The following MAP2 variants were observed in gnomAD, a reference collection of about 807,000 sequenced individuals.
MAP2 encodes the protein microtubule associated protein 2, also known as microtubule-associated protein 2.
Under a neutral mutation model 137.6 loss-of-function variants are expected in MAP2, and 14 were observed. The ratio of observed to expected loss-of-function variants is 0.10; its 90% CI spans 0.07 to 0.16. MAP2 has a LOEUF of 0.16. Among genes scored for constraint, MAP2 ranks in the 10% least tolerant of loss-of-function variants. MAP2 has a pLI of 1.00. For synonymous variants in MAP2, 786 were observed against 782.3 expected (o/e 1.00, Z -0.08); for missense variants, 2,088 against 2,191.5 (o/e 0.95, Z 0.94).
At chr2:209,515,350 C>G (rs566742706) in intron 2 of MAP2, among the ~76,000 whole-genome samples, 39 of 152,180 alleles carry the variant, frequency 2.6e-4, no homozygotes, top group African/African-American at 9.2e-4. Flanking sequence ...CATTTTCACA[C>G]TGCTATGAAG....
rs779612571 is a variant in MAP2, at chr2:209,496,933, C to T, written c.-221-10659C>T. On this transcript the variant is annotated intron_variant, in intron 1 of 15. Transcript: ENST00000682079. ...TAGCTAGGACTACAGGTGTGCACTA[C>T]CATGCCTGGCTAATTTAAAAAAAAA... Among the ~76,000 whole-genome samples the T allele has an allele frequency of 1.9e-4, 29 of 150,114 alleles. 1 individual carries two copies. Among genetic ancestry groups the T allele is most frequent in the Non-Finnish European group, 4.2e-4 (28 of 67,466 alleles).
rs372993675 is a variant in MAP2, at chr2:209,694,701, G to T, written c.2531G>T (p.Arg844Leu). The change falls in exon 8 of 16, where the codon CGT (arginine) becomes CTT (leucine). Residue 844 changes from arginine to leucine, a missense_variant. Around this residue, in one of 6 missense-constraint regions of MAP2, gnomAD observed 500 missense variants for 482.9 expected, o/e 1.04. Transcript: ENST00000682079. ...VPSETVVEDS[R>L]TGLPPVTDEN... Reference sequence around the variant, plus strand: ...TCAGAGACTGTGGTTGAGGATAGTCGTACTGGCTTGCCCCCGGTAACTGAT... The same window carrying T: ...TCAGAGACTGTGGTTGAGGATAGTCTTACTGGCTTGCCCCCGGTAACTGAT... 2 of 1,614,108 alleles carry T rather than the reference G, an allele frequency of 1.2e-6. No individual in the cohort carries two copies. The highest frequency in any genetic ancestry group is 1.7e-6 in the Non-Finnish European group (2 of 1,180,000).
chr2:209,526,444 G>C (rs892685467), intron 2 of MAP2, among the ~76,000 whole-genome samples: 1 of 151,504 alleles, frequency 6.6e-6, no homozygotes, highest in Non-Finnish European at 1.5e-5. Context: ...AAATACAGAA[G>C]GGGGAGGCTG....
chr2:209,523,406 G>C (rs568247758), intron 2 of MAP2, among the ~76,000 whole-genome samples: 1 of 152,148 alleles, frequency 6.6e-6, no homozygotes, highest in African/African-American at 2.4e-5. Flanking sequence ...TCTCATTGCT[G>C]TTGTTGGATT....
At chr2:209,707,333 C>A (rs994383454) in intron 12 of MAP2, among the ~76,000 whole-genome samples, 65 of 152,122 alleles carry the variant, frequency 4.3e-4, no homozygotes, top group Admixed American at 4.1e-3. Context: ...ATAACTAACA[C>A]ATTGATAATT....
intron 2 of MAP2, among the ~76,000 whole-genome samples, chr2:209,521,640 T>C (rs965593424): frequency 5.3e-5 from 8 of 152,050 alleles, no homozygotes; most frequent in African/African-American, 1.9e-4. Flanking sequence ...TAAGAGACTT[T>C]GCAATATTGG....
chr2:209,671,150 T>C (rs2048686803), intron 5 of MAP2, among the ~76,000 whole-genome samples: 1 of 151,588 alleles, frequency 6.6e-6, no homozygotes, highest in Non-Finnish European at 1.5e-5. Context: ...AAAAAGCTGG[T>C]GGGGAAAGAT....
chr2:209,534,829 A>T (rs888815904), intron 2 of MAP2, among the ~76,000 whole-genome samples: 4 of 152,222 alleles, frequency 2.6e-5, no homozygotes, highest in African/African-American at 7.2e-5. Flanking sequence ...CTCATGAAAC[A>T]TGAAATTTCA....
intron 11 of MAP2, among the ~76,000 whole-genome samples, chr2:209,700,561 T>A (rs16843513): frequency 0.088 from 13,464 of 152,154 alleles, 1,230 homozygotes; most frequent in African/African-American, 0.24. Context: ...GACTGCTTCC[T>A]TACTAGTAAG....
At chr2:209,643,474 CAG>C (rs2094183383) in intron 4 of MAP2, among the ~76,000 whole-genome samples, 1 of 152,116 alleles carries the variant, frequency 6.6e-6, no homozygotes, top group Admixed American at 6.6e-5. Context: ...TTTACAAATT[CAG>C]AGTTATCTAC....
At chr2:209,514,186 A>C (rs923847748) in intron 2 of MAP2, among the ~76,000 whole-genome samples, 1 of 152,104 alleles carries the variant, frequency 6.6e-6, no homozygotes, top group Non-Finnish European at 1.5e-5. Flanking sequence ...TGTTTTTTTA[A>C]TACAAAGATA....
intron 3 of MAP2, among the ~76,000 whole-genome samples, chr2:209,610,000 C>A (rs1580460074): frequency 6.6e-6 from 1 of 152,106 alleles, no homozygotes; most frequent in East Asian, 1.9e-4. Context: ...TGGTTCATGT[C>A]CTCATGAGGT....
intron 3 of MAP2, among the ~76,000 whole-genome samples, chr2:209,609,916 C>T (rs1428756384): frequency 3.3e-5 from 5 of 152,070 alleles, no homozygotes; most frequent in African/African-American, 1.2e-4. Context: ...TACTTTTCTA[C>T]TCATTCTTTC....
At chr2:209,623,294 A>G (rs2091643003) in intron 3 of MAP2, among the ~76,000 whole-genome samples, 1 of 152,148 alleles carries the variant, frequency 6.6e-6, no homozygotes, top group South Asian at 2.1e-4. Flanking sequence ...TAAAAAAGGC[A>G]GCAGCAGGAT....
In MAP2 at chr2:209,694,609, A is replaced by G; in HGVS notation, c.2439A>G (p.Ala813=). 4 of 1,614,072 alleles carry G rather than the reference A, an allele frequency of 2.5e-6. No individual in the cohort carries two copies. Among genetic ancestry groups the G allele is most frequent in the Non-Finnish European group, 3.4e-6 (4 of 1,179,934 alleles). ...APDLPEMLDL[A]GTRSRLASVS... ...ACCTTCCTGAAATGCTAGATCTGGC[A>G]GGCACAAGGTCAAGATTGGCTTCTG... is the stretch of plus-strand genomic sequence containing the variant. The change falls in exon 8 of 16, where the codon GCA becomes GCG. Residue 813 remains alanine (A), a synonymous_variant. Transcript: ENST00000682079.
intron 2 of MAP2, among the ~76,000 whole-genome samples, chr2:209,563,438 T>TA (rs1418486626): frequency 5.3e-5 from 8 of 152,188 alleles, no homozygotes; most frequent in African/African-American, 1.9e-4. Flanking sequence ...GTAAGCACCT[T>TA]ATAAAAGATT....
intron 3 of MAP2, among the ~76,000 whole-genome samples, chr2:209,601,276 CT>C (rs1178807945): frequency 2.6e-5 from 4 of 151,450 alleles, no homozygotes; most frequent in African/African-American, 4.9e-5. Flanking sequence ...AGTTTTTATT[CT>C]TTTTTCTTTT....
intron 1 of MAP2, among the ~76,000 whole-genome samples, chr2:209,434,813 T>TG: frequency 1.1e-5 from 1 of 92,806 alleles, no homozygotes; most frequent in Non-Finnish European, 2.1e-5. Context: ...CAGAGCCAGA[T>TG]CCTCTCTCTC....
chr2:209,636,552 A>G (rs1317827875), intron 4 of MAP2, among the ~76,000 whole-genome samples: 1 of 134,764 alleles, frequency 7.4e-6, no homozygotes, highest in Admixed American at 7.1e-5. Context: ...ATAATGTTAT[A>G]TACGTATATA....
Sources: gnomAD v4.1 joint callset for allele counts (sites outside exome capture counted in the v4.1 genomes callset) on GRCh38, gnomAD v4.1.1 for gene constraint, gnomAD v4.1.1 regional missense constraint, MANE v1.5 for transcripts, NCBI Gene and HGNC (gene_info 2026-07-23, HGNC 2026-07-21) for gene names.